Variants in PBRM1 observed in about 807,000 individuals in gnomAD.
PBRM1 encodes protein polybromo-1.
PBRM1 carries 27 observed loss-of-function variants against 194.5 expected under a neutral mutation model. The ratio of observed to expected loss-of-function variants is 0.14; its 90% CI spans 0.10 to 0.19. The LOEUF (loss-of-function observed/expected upper bound fraction) is 0.19, where lower values mean the gene tolerates loss of function less well. Ranked by LOEUF, PBRM1 falls within the 10% of genes least tolerant of loss-of-function variation. The probability of loss-of-function intolerance (pLI) is 1.00; values close to 1 mark genes in which losing one functional copy is unlikely to be tolerated. For synonymous variants in PBRM1, 655 were observed against 693.2 expected (o/e 0.94, Z 0.87); for missense variants, 1,466 against 2,077.2 (o/e 0.71, Z 5.72).
At position 52,665,096 on chromosome 3, in the gene PBRM1, T is replaced by C. The variant is rs150052675; in HGVS notation, c.385-2820A>G. On this transcript the variant is annotated intron_variant, in intron 3 of 29. Coordinates refer to ENST00000296302, the Ensembl canonical transcript of PBRM1. Reference sequence around the variant, plus strand: ...GGCGGATGACTTCTCAATAGCAAAATGGAATGAAGAATAAAGAAAGTAGTA... The same window carrying C: ...GGCGGATGACTTCTCAATAGCAAAACGGAATGAAGAATAAAGAAAGTAGTA... Among the ~76,000 whole-genome samples the C allele has an allele frequency of 6.6e-5, 10 of 152,026 alleles. No individual in the cohort carries two copies. The East Asian group carries it at 1.9e-3, about 29-fold the overall frequency.
At chr3:52,657,618 C>A (rs1022744175) in intron 5 of PBRM1, among the ~76,000 whole-genome samples, 3 of 151,930 alleles carry the variant, frequency 2.0e-5, no homozygotes, top group Non-Finnish European at 4.4e-5. Context: ...TACAGGCACA[C>A]ACCATCACAC....
Position 52,653,563 on chromosome 3 carries a change from T to C in PBRM1, c.646-1753A>G, listed in dbSNP as rs561464735. On this transcript the variant is annotated intron_variant, in intron 5 of 29. Transcript: ENST00000296302. ...GAGATTGCTCCATTGCACTCCAGCC[T>C]GGGCAAGAAGAGCAGAATTCTGTCT... Among the ~76,000 whole-genome samples the C allele has an allele frequency of 5.4e-3, 780 of 143,490 alleles. 3 individuals are homozygous for C. Among genetic ancestry groups the C allele is most frequent in the Non-Finnish European group, 8.4e-3 (560 of 66,570 alleles). 94.1% of individuals were successfully genotyped at this position (143,490 alleles called of 152,430 possible).
At chr3:52,550,771 T>G (rs2251219) in exon 28 of PBRM1, 1 of 1,611,426 alleles carries the variant, frequency 6.2e-7, no homozygotes, top group East Asian at 2.2e-5. Flanking sequence ...GACTTCCACC[T>G]GGTGCTGGAG....
intron 25 of PBRM1, among the ~76,000 whole-genome samples, chr3:52,561,095 C>A (rs555485024): frequency 2.6e-5 from 4 of 151,870 alleles, no homozygotes; most frequent in East Asian, 3.9e-4. Flanking sequence ...TTAAAAAAAA[C>A]CCACAAAAAC....
intron 21 of PBRM1, 151 bp downstream of exon 23, chr3:52,578,903 G>C (rs1195605063): frequency 1.3e-6 from 1 of 750,800 alleles, no homozygotes; most frequent in East Asian, 2.6e-5. Flanking sequence ...ATTTAAGGAA[G>C]AAAGTGTGGT....
chr3:52,679,115 G>A (rs2097160913), intron 1 of PBRM1, among the ~76,000 whole-genome samples: 1 of 152,110 alleles, frequency 6.6e-6, no homozygotes, highest in African/African-American at 2.4e-5. Context: ...CCTCTGCACT[G>A]GTTCTGTCTG....
rs2080085033 is a variant in PBRM1 at position 52,548,692 on chromosome 3, C to T, written c.4898-457G>A. On this transcript the variant is annotated intron_variant, in intron 29 of 29. Coordinates refer to ENST00000296302, the Ensembl canonical transcript of PBRM1. ...CTGCCTACCTTGGCCTCCCAAAGTG[C>T]TGGGATTACAGGTGTGAGCCACTGC... 2.0e-5 allele frequency among the ~76,000 whole-genome samples: 3 copies of T among 152,160 alleles called. No individual in the cohort carries two copies. In the South Asian group the frequency reaches 6.2e-4, roughly 32 times the overall value.
chr3:52,656,262 C>CT (rs1002121462), intron 5 of PBRM1, among the ~76,000 whole-genome samples: 3 of 151,956 alleles, frequency 2.0e-5, no homozygotes, highest in Non-Finnish European at 4.4e-5. Context: ...ATTCGTTTTT[C>CT]TTTTTTCAGC....
chr3:52,642,030 T>C (rs2153707784), exon 10 of PBRM1: 1 of 1,568,306 alleles, frequency 6.4e-7, no homozygotes, highest in African/African-American at 1.3e-5. Flanking sequence ...GACCTCCTTG[T>C]ACTGCTCTTT....
At chr3:52,586,626 C>A (rs751827378) in exon 20 of PBRM1, 1 of 1,613,254 alleles carries the variant, frequency 6.2e-7, no homozygotes, top group Non-Finnish European at 8.5e-7. Flanking sequence ...TGGCAGAATA[C>A]CGTGATTCAC....
At chr3:52,648,236 C>T (rs900053832) in intron 7 of PBRM1, 108 bp downstream of exon 8, 1 of 669,206 alleles carries the variant, frequency 1.5e-6, no homozygotes, top group African/African-American at 1.8e-5. Context: ...GGGTAAAGTC[C>T]ATGGTATGTG....
In PBRM1 at chr3:52,643,219, A is replaced by G. The variant is rs181865473; in HGVS notation, c.995+29T>C. The G allele has an allele frequency of 4.8e-5, 70 of 1,453,056 alleles. No homozygotes were observed. The African/African-American group carries it at 9.3e-4, about 19-fold the overall frequency. 90.0% of individuals were successfully genotyped at this position (1,453,056 alleles called of 1,614,324 possible). A position where few individuals can be genotyped will look rare whatever the true frequency, so the allele number is the denominator to read the frequency against. On this transcript the variant is annotated intron_variant, in intron 9 of 29. Coordinates refer to ENST00000296302, the Ensembl canonical transcript of PBRM1. ...TGCCTATCTTTATAAGCACAGGTCA[A>G]CTCTCAGACTAAACACTCTTTTTCT... is the stretch of plus-strand genomic sequence containing the variant.
chr3:52,563,891 G>A (rs2084337531), intron 23 of PBRM1, among the ~76,000 whole-genome samples, 159 bp downstream of exon 25: 1 of 151,892 alleles, frequency 6.6e-6, no homozygotes. Context: ...AGCAGATTAT[G>A]AAGTCTTTCC....
At chr3:52,679,271 T>C (rs925506702) in intron 1 of PBRM1, among the ~76,000 whole-genome samples, 3 of 127,576 alleles carry the variant, frequency 2.4e-5, no homozygotes, top group African/African-American at 9.2e-5. Context: ...CTAAGTTCCA[T>C]GTGAAAAATG....
At chr3:52,596,491 C>G (rs1269002454) in intron 17 of PBRM1, among the ~76,000 whole-genome samples, 3 of 128,700 alleles carry the variant, frequency 2.3e-5, no homozygotes, top group Non-Finnish European at 3.2e-5. Flanking sequence ...GAAATGTATC[C>G]TACAGGCCTA....
intron 17 of PBRM1, among the ~76,000 whole-genome samples, chr3:52,589,917 CT>C (rs2092849340): frequency 6.6e-6 from 1 of 152,026 alleles, no homozygotes; most frequent in Non-Finnish European, 1.5e-5. Context: ...CAACCTCTGC[CT>C]CCCAGGTTCA....
At chr3:52,587,589 TTA>T in intron 18 of PBRM1, 79 bp from the exon 21 acceptor site, 23 of 1,058,708 alleles carry the variant, frequency 2.2e-5, no homozygotes, top group East Asian at 5.3e-5. Context: ...TTTTTTTTTT[TTA>T]AAGAGACTGG....
At chr3:52,672,612 A>G (rs1201985771) in intron 2 of PBRM1, among the ~76,000 whole-genome samples, 1 of 148,938 alleles carries the variant, frequency 6.7e-6, no homozygotes, top group Non-Finnish European at 1.5e-5. Context: ...CTCCTGCCTC[A>G]GCCTCCCGAG....
At chr3:52,628,312 A>G (rs980335808) in intron 12 of PBRM1, among the ~76,000 whole-genome samples, 1 of 151,462 alleles carries the variant, frequency 6.6e-6, no homozygotes, top group African/African-American at 2.4e-5. Flanking sequence ...TCCAATCAGA[A>G]GGCTAACCCC....
Sources: gnomAD v4.1 joint callset for allele counts (sites outside exome capture counted in the v4.1 genomes callset) on GRCh38, gnomAD v4.1.1 for gene constraint, MANE v1.5 for transcripts, NCBI Gene and HGNC (gene_info 2026-07-23, HGNC 2026-07-21) for gene names.